The following SLC12A7 variants were observed in gnomAD, a reference collection of about 807,000 sequenced individuals.
SLC12A7 encodes the protein solute carrier family 12 member 7, also known as K-Cl cotransporter 4.
In SLC12A7, 100 loss-of-function variants were observed where a neutral mutation model predicts 120.6. The ratio of observed to expected loss-of-function variants is 0.83; its 90% CI spans 0.71 to 0.98. SLC12A7 has a LOEUF of 0.98. SLC12A7 is among the 50% of genes least tolerant of loss of function. The pLI is 0.00. For missense variants in SLC12A7, 1,373 were observed against 1,548.1 expected (o/e 0.89, Z 1.90); for synonymous variants, 760 against 678.0 (o/e 1.12, Z -1.88).
chr5:1,112,073 G>C, upstream of SLC12A7: 1 of 1,191,230 alleles, frequency 8.4e-7, no homozygotes, highest in African/African-American at 1.6e-5. Context: ...TTGGAGGCAG[G>C]GGCGGGGTCC....
chr5:1,058,640 G>A (rs1047864850), intron 21 of SLC12A7, among the ~76,000 whole-genome samples: 14 of 152,246 alleles, frequency 9.2e-5, no homozygotes, highest in Non-Finnish European at 1.9e-4. Flanking sequence ...GGTCCTTCCC[G>A]AAAGGGAAGA....
At chr5:1,054,542 A>G (rs898091846) in intron 22 of SLC12A7, among the ~76,000 whole-genome samples, 1 of 152,206 alleles carries the variant, frequency 6.6e-6, no homozygotes, top group Non-Finnish European at 1.5e-5. Flanking sequence ...TCTGTGTTGG[A>G]AAAACCCGGC....
intron 9 of SLC12A7, among the ~76,000 whole-genome samples, chr5:1,080,649 CGT>C (rs769107995): frequency 3.9e-5 from 6 of 152,190 alleles, no homozygotes; most frequent in Non-Finnish European, 7.4e-5. Context: ...CAGCCGGGGG[CGT>C]GTGTGTGCGA....
intron 22 of SLC12A7, among the ~76,000 whole-genome samples, chr5:1,055,766 G>A (rs529778306): frequency 1.6e-4 from 25 of 152,204 alleles, no homozygotes; most frequent in Admixed American, 8.5e-4. Context: ...GTCGTTCTTC[G>A]GCTTTAATTA....
rs955373417 is a variant in SLC12A7 at position 1,087,111 on chromosome 5, C to T, written c.545-78G>A. ...CCGAGGTGCGGTCTGCGCTGCCATT[C>T]ACGGGCAAAGGAGGGCCTGTCTCTG... On this transcript the variant is annotated intron_variant, in intron 5 of 23. Transcript: ENST00000264930. 5 of 1,490,678 alleles carry T rather than the reference C, an allele frequency of 3.4e-6. No homozygotes were observed. The African/African-American group carries it at 5.6e-5, about 17-fold the overall frequency. The allele number at this position is 1,490,678 out of a possible 1,614,324, so 92.3% of individuals were successfully genotyped here. A position where few individuals can be genotyped will look rare whatever the true frequency, so the allele number is the denominator to read the frequency against.
chr5:1,063,596 A>C (rs1280730799), intron 20 of SLC12A7, among the ~76,000 whole-genome samples: 1 of 151,436 alleles, frequency 6.6e-6, no homozygotes, highest in African/African-American at 2.4e-5. Flanking sequence ...CCCCGCCACA[A>C]TCGCCACCAC....
At chr5:1,053,561 G>A in intron 22 of SLC12A7, 79 bp from the exon 23 acceptor site, 3 of 1,536,336 alleles carry the variant, frequency 2.0e-6, no homozygotes, top group South Asian at 1.2e-5. Context: ...GAGCCCTGAT[G>A]AGCTGCATTC....
upstream of SLC12A7, among the ~76,000 whole-genome samples, chr5:1,115,421 G>C (rs1414881471): frequency 6.6e-6 from 1 of 152,238 alleles, no homozygotes; most frequent in Non-Finnish European, 1.5e-5. Flanking sequence ...CCAGACGCAG[G>C]CTGCCTCCAG....
rs558822866 is a variant in SLC12A7 at position 1,088,884 on chromosome 5, C to A, written c.489+98G>T. ...GTCCGGCTGCCACCGCCCGAAGGCA[C>A]AACCACAGCGGCCAGGGGAGACGGC... On this transcript the variant is annotated intron_variant, in intron 4 of 23. Transcript: ENST00000264930. 3.0e-3 allele frequency: 4,591 copies of A among 1,517,802 alleles called. 27 individuals are homozygous for A. The highest frequency in any genetic ancestry group is 8.9e-3 in the South Asian group (757 of 84,890). The allele number at this position is 1,517,802 out of a possible 1,614,324, so 94.0% of individuals were successfully genotyped here. A position where few individuals can be genotyped will look rare whatever the true frequency, so the allele number is the denominator to read the frequency against.
the SLC12A7 span, among the ~76,000 whole-genome samples, chr5:1,152,920 C>T: frequency 6.6e-6 from 1 of 152,236 alleles, no homozygotes; most frequent in African/African-American, 2.4e-5. Flanking sequence ...CAGCCCAGGA[C>T]AAATGGCCCG....
the SLC12A7 span, among the ~76,000 whole-genome samples, chr5:1,127,702 A>G: frequency 1.3e-5 from 2 of 152,228 alleles, no homozygotes; most frequent in Middle Eastern, 3.2e-3. Context: ...GAATAGTACT[A>G]TGTCTCATGA....
rs769390588 is a variant in SLC12A7 at position 1,053,367 on chromosome 5, G to A, written c.3142C>T (p.Arg1048Trp). 9.3e-6 allele frequency: 15 copies of A among 1,613,950 alleles called. No homozygotes were observed. The highest frequency in any genetic ancestry group is 4.5e-5 in the East Asian group (2 of 44,874). Reference sequence around the variant, plus strand: ...AGGATACAGTTCTCGTCTCCCTGCCGGTTTTTGGGAGGACCTGGCATGTTG... The same window carrying A: ...AGGATACAGTTCTCGTCTCCCTGCCAGTTTTTGGGAGGACCTGGCATGTTG... The part of the protein sequence containing the change: ...LLNMPGPPKN[R>W]QGDENYMEFL... Residue 1048 changes from arginine (R) to tryptophan (W), a missense_variant, in exon 23 of 24, where the codon CGG (arginine) becomes TGG (tryptophan). Transcript: ENST00000264930.
intron 22 of SLC12A7, chr5:1,056,663 C>G: frequency 7.0e-6 from 6 of 858,206 alleles, no homozygotes; most frequent in Non-Finnish European, 7.0e-6. Flanking sequence ...TGTTCCAGAT[C>G]GCATGGCTGC....
At position 1,064,191 on chromosome 5, in the gene SLC12A7, C is replaced by G; in HGVS notation, c.2499G>C (p.Ser833=). The G allele has an allele frequency of 6.2e-7, 1 of 1,612,360 alleles. No homozygotes were observed. The highest frequency in any genetic ancestry group is 1.3e-5 in the African/African-American group (1 of 75,054). The change falls in exon 19 of 24, where the codon TCG becomes TCC. Residue 833 remains serine (S), a synonymous_variant. Coordinates refer to ENST00000264930, the MANE Select transcript of SLC12A7 (RefSeq NM_006598.3). ...QALLVAKNVD[S]FPQNQERFGG... ...CGAAGCGCTCCTGGTTTTGCGGAAACGAGTCGACGTTCTTGGCCACCAGCA... is the reference window on the plus strand; with the variant it reads ...CGAAGCGCTCCTGGTTTTGCGGAAAGGAGTCGACGTTCTTGGCCACCAGCA...
At chr5:1,097,817 C>T (rs1212781741) in intron 1 of SLC12A7, among the ~76,000 whole-genome samples, 1 of 152,136 alleles carries the variant, frequency 6.6e-6, no homozygotes, top group Non-Finnish European at 1.5e-5. Context: ...TGATTACAAC[C>T]TTCAAGCCTT....
chr5:1,073,876 G>A (rs1195453517), intron 16 of SLC12A7, 75 bp from the exon 17 acceptor site: 21 of 1,290,324 alleles, frequency 1.6e-5, no homozygotes, highest in South Asian at 2.8e-5. Context: ...CAGGGCAGAT[G>A]GGACGGGCGG....
intron 22 of SLC12A7, 147 bp from the exon 23 acceptor site, chr5:1,053,629 G>T: frequency 8.9e-7 from 1 of 1,122,726 alleles, no homozygotes; most frequent in Non-Finnish European, 1.2e-6. Context: ...GACCCTGAAG[G>T]ATGCAGAAGT....
the SLC12A7 span, among the ~76,000 whole-genome samples, chr5:1,150,370 C>A: frequency 6.6e-5 from 10 of 151,944 alleles, no homozygotes; most frequent in East Asian, 1.9e-3. Context: ...TTTCAGGGCA[C>A]AGGCCTCGAC....
intron 22 of SLC12A7, among the ~76,000 whole-genome samples, chr5:1,053,907 C>T (rs1735320930): frequency 6.6e-6 from 1 of 152,244 alleles, no homozygotes; most frequent in Non-Finnish European, 1.5e-5. Context: ...GCCCCTAAAC[C>T]CCACGTCAGA....
Sources: allele counts gnomAD v4.1 joint callset (sites outside exome capture counted in the v4.1 genomes callset), GRCh38; gene constraint gnomAD v4.1.1; transcripts MANE v1.5; gene names NCBI Gene and HGNC (gene_info 2026-07-23, HGNC 2026-07-21).